The following MPHOSPH8 variants were observed in gnomAD, a reference collection of about 807,000 sequenced individuals.
The protein encoded by MPHOSPH8 is M-phase phosphoprotein, mpp.
A neutral mutation model predicts 87.3 loss-of-function variants in MPHOSPH8; 45 were observed. That is an observed-to-expected ratio of 0.52 (90% confidence interval 0.41 to 0.66). The LOEUF (loss-of-function observed/expected upper bound fraction) is 0.66, where lower values mean the gene tolerates loss of function less well. Among genes scored for constraint, MPHOSPH8 ranks in the 30% least tolerant of loss-of-function variants. The pLI, the probability that MPHOSPH8 is intolerant of heterozygous loss-of-function variation, is 0.00. For synonymous variants in MPHOSPH8, 366 were observed against 376.9 expected, an observed-to-expected ratio of 0.97 and a Z score of 0.33; for missense variants, 883 against 1,020.2, an observed-to-expected ratio of 0.87 and a Z score of 1.83.
intron 12 of MPHOSPH8, chr13:19,670,927 C>A (rs1876088508): frequency 2.7e-5 from 26 of 962,234 alleles, no homozygotes; most frequent in Non-Finnish European, 3.9e-5. Context: ...ACAAGCAATC[C>A]TCCCACCTCA....
chr13:19,660,129 T>G (rs1875441192), intron 7 of MPHOSPH8, among the ~76,000 whole-genome samples: 1 of 147,878 alleles, frequency 6.8e-6, no homozygotes, highest in Non-Finnish European at 1.5e-5. Context: ...CCCGGCTAAT[T>G]TTTTGTATTT....
chr13:19,656,639 A>C (rs952599726), intron 5 of MPHOSPH8, among the ~76,000 whole-genome samples: 1 of 150,316 alleles, frequency 6.7e-6, no homozygotes, highest in East Asian at 2.0e-4. Flanking sequence ...ACATGTCTGT[A>C]ATCCCAGCTA....
intron 4 of MPHOSPH8, 100 bp downstream of exon 4, chr13:19,648,621 T>C (rs1874692684): frequency 2.2e-6 from 1 of 464,004 alleles, no homozygotes; most frequent in Non-Finnish European, 3.4e-6. Flanking sequence ...TAATTTTTTT[T>C]CCTTATTTTC....
rs745631715 is a variant in MPHOSPH8, at chr13:19,647,045, C to T, written c.972C>T (p.Thr324=). Residue 324 remains threonine (T), a synonymous_variant, in exon 3 of 14, where the codon ACC becomes ACT. Coordinates refer to ENST00000361479, the MANE Select transcript of MPHOSPH8 (RefSeq NM_017520.4). ...GTGCCATGAGTGCTGAGGAGGATAC[C>T]GATGTCAGAGGCAGGAGGAAAAAGA... is the stretch of plus-strand genomic sequence containing the variant. The part of the protein sequence containing the change: ...LDSAMSAEED[T]DVRGRRKKKT... The T allele has an allele frequency of 8.1e-6, 13 of 1,606,592 alleles. No homozygotes were observed. Among genetic ancestry groups the T allele is most frequent in the African/African-American group, 4.1e-5 (3 of 73,728 alleles).
In MPHOSPH8 at chr13:19,661,696, A is replaced by G; in HGVS notation, c.1792-2A>G. On this transcript the variant is annotated splice_acceptor_variant, in intron 7 of 13. Coordinates refer to ENST00000361479, the MANE Select transcript of MPHOSPH8 (RefSeq NM_017520.4). LOFTEE classifies it high-confidence loss of function. ...CGTTTTTTATTTAACAAACCAACAC[A>G]GGATTCCAGTGGAATGACACTGGTG... 1 of 1,591,312 alleles carries G rather than the reference A, an allele frequency of 6.3e-7. No individual in the cohort carries two copies. Among genetic ancestry groups the G allele is most frequent in the Non-Finnish European group, 8.6e-7 (1 of 1,165,688 alleles).
chr13:19,636,450 AAGC>A (rs1214331240), intron 1 of MPHOSPH8, among the ~76,000 whole-genome samples: 1 of 152,168 alleles, frequency 6.6e-6, no homozygotes, highest in African/African-American at 2.4e-5. Context: ...GTAATAGAGT[AAGC>A]AGAGAATTAA....
At chr13:19,651,824 G>C (rs1450266405) in intron 5 of MPHOSPH8, among the ~76,000 whole-genome samples, 1 of 152,128 alleles carries the variant, frequency 6.6e-6, no homozygotes, top group African/African-American at 2.4e-5. Context: ...TGAGGGCTGG[G>C]CACGGCGGCT....
At chr13:19,667,929 C>T (rs966199908) in intron 10 of MPHOSPH8, among the ~76,000 whole-genome samples, 32 of 152,212 alleles carry the variant, frequency 2.1e-4, no homozygotes, top group Admixed American at 8.5e-4. Flanking sequence ...CCTCTGGGAC[C>T]GCGCCTGTTG....
In MPHOSPH8 at chr13:19,668,410, T is replaced by G. The variant is rs1245350672; in HGVS notation, c.2208T>G (p.Asp736Glu). 1 of 1,614,054 alleles carries G rather than the reference T, an allele frequency of 6.2e-7. No individual in the cohort carries two copies. The highest frequency in any genetic ancestry group is 1.1e-5 in the South Asian group (1 of 91,064). The change falls in exon 11 of 14, where the codon GAT (aspartate) becomes GAG (glutamate). Residue 736 changes from aspartate (D) to glutamate (E), a missense_variant. Transcript: ENST00000361479. ...GAGTAGCAGAAGAGACAATAAAGGA[T>G]TACTTTGAAGCTCGCCTTGCTCTGC... The part of the protein sequence containing the change: ...LSRVAEETIK[D>E]YFEARLALLE...
In MPHOSPH8 at chr13:19,646,886, T is replaced by G. The variant is rs1874592267; in HGVS notation, c.813T>G (p.Asp271Glu). The part of the protein sequence containing the change: ...QVESESSVLN[D>E]SPFPEDDSEG... ...AATCTGAATCAAGTGTACTTAATGA[T>G]TCTCCCTTTCCAGAGGATGACAGTG... The change falls in exon 3 of 14, where the codon GAT (aspartate) becomes GAG (glutamate). Residue 271 changes from aspartate to glutamate, a missense_variant. Transcript: ENST00000361479. The G allele has an allele frequency of 6.2e-7, 1 of 1,603,922 alleles. No homozygotes were observed. Among genetic ancestry groups the G allele is most frequent in the South Asian group, 1.1e-5 (1 of 88,228 alleles).
chr13:19,662,290 ACT>A (rs1384227692), intron 8 of MPHOSPH8, among the ~76,000 whole-genome samples: 1 of 151,384 alleles, frequency 6.6e-6, no homozygotes, highest in East Asian at 1.9e-4. Context: ...ATAAGGTCTC[ACT>A]CTGTCACACA....
intron 5 of MPHOSPH8, among the ~76,000 whole-genome samples, chr13:19,656,135 C>G (rs1354569182): frequency 6.6e-6 from 1 of 151,794 alleles, no homozygotes; most frequent in African/African-American, 2.4e-5. Flanking sequence ...TAAAATAAAC[C>G]AGGCAGGATG....
intron 2 of MPHOSPH8, 70 bp downstream of exon 2, chr13:19,642,340 G>T: frequency 4.7e-6 from 6 of 1,270,034 alleles, no homozygotes; most frequent in Non-Finnish European, 6.4e-6. Flanking sequence ...CTCAAAGTAT[G>T]TGTAGTAAAT....
At chr13:19,650,698 G>A (rs972642129) in intron 5 of MPHOSPH8, among the ~76,000 whole-genome samples, 2 of 152,294 alleles carry the variant, frequency 1.3e-5, no homozygotes, top group Admixed American at 1.3e-4. Flanking sequence ...GAAGAATACA[G>A]ACTACAGTAG....
rs1232481093 is a variant in MPHOSPH8 at position 19,670,237 on chromosome 13, C to T, written c.2331C>T (p.Gly777=). ...NYKPPQNIPE[G]SGILLFIFHA... is the part of the protein sequence containing the mutation. ...TTCACACACATCTCCCATTTTCAGGCTCTGGCATCCTGCTGTTTATCTTCC... is the reference window on the plus strand; with the variant it reads ...TTCACACACATCTCCCATTTTCAGGTTCTGGCATCCTGCTGTTTATCTTCC... The change falls in exon 12 of 14, where the codon GGC becomes GGT. Residue 777 remains glycine, a splice_region_variant and synonymous_variant. Transcript: ENST00000361479. The T allele has an allele frequency of 5.0e-6, 8 of 1,613,996 alleles. No homozygotes were observed. Among genetic ancestry groups the T allele is most frequent in the African/African-American group, 1.3e-5 (1 of 74,926 alleles).
intron 5 of MPHOSPH8, 117 bp downstream of exon 5, chr13:19,650,377 T>A: frequency 8.4e-7 from 1 of 1,186,334 alleles, no homozygotes; most frequent in East Asian, 2.4e-5. Flanking sequence ...GAAGAGTTTA[T>A]TTGGATCTCC....
chr13:19,640,590 C>T (rs955201587), intron 1 of MPHOSPH8, among the ~76,000 whole-genome samples: 1 of 150,910 alleles, frequency 6.6e-6, no homozygotes, highest in African/African-American at 2.4e-5. Flanking sequence ...AGGCTGGCTT[C>T]GAACTCCTGA....
At position 19,655,130 on chromosome 13, in the gene MPHOSPH8, AAAC is replaced by A. The variant is rs574093106; in HGVS notation, c.1577-3862_1577-3860del. On this transcript the variant is annotated intron_variant, in intron 5 of 13. Coordinates refer to ENST00000361479, the MANE Select transcript of MPHOSPH8 (RefSeq NM_017520.4). Reference sequence around the variant, plus strand: ...AATAGCATTCTTGATTAAAAAGTAAAAACAAATTATGAATAAAGGGAGCTTTCT... The same window carrying A: ...AATAGCATTCTTGATTAAAAAGTAAAAAATTATGAATAAAGGGAGCTTTCT... Among the ~76,000 whole-genome samples, 110 of 152,340 alleles carry A rather than the reference AAAC, an allele frequency of 7.2e-4. 1 individual carries two copies. Among genetic ancestry groups the A allele is most frequent in the South Asian group, 3.7e-3 (18 of 4,830 alleles).
intron 8 of MPHOSPH8, among the ~76,000 whole-genome samples, chr13:19,662,195 T>A (rs747939943): frequency 2.6e-5 from 4 of 152,184 alleles, no homozygotes; most frequent in Non-Finnish European, 5.9e-5. Flanking sequence ...TGCCTTGGCC[T>A]CCCAAAGTGC....
Sources: gnomAD v4.1 joint callset for allele counts (sites outside exome capture counted in the v4.1 genomes callset) on GRCh38, gnomAD v4.1.1 for gene constraint, MANE v1.5 for transcripts, NCBI Gene and HGNC (gene_info 2026-07-23, HGNC 2026-07-21) for gene names.